SCUBE1: variants seen among roughly 807,000 people sequenced by gnomAD.
SCUBE1 encodes signal peptide, CUB and EGF-like domain-containing protein 1.
SCUBE1 carries 59 observed loss-of-function variants against 124.4 expected under a neutral mutation model. That is an observed-to-expected ratio of 0.47 (90% CI 0.38 to 0.59). The LOEUF (loss-of-function observed/expected upper bound fraction) is 0.59, where lower values mean the gene tolerates loss of function less well. Among genes scored for constraint, SCUBE1 ranks in the 20% least tolerant of loss-of-function variants. The pLI is 0.00. For synonymous variants in SCUBE1, 545 were observed against 550.9 expected (o/e 0.99, Z 0.15); for missense variants, 1,150 against 1,371.2 (o/e 0.84, Z 2.55).
chr22:43,212,353 C>T (rs1345305823), intron 17 of SCUBE1, 72 bp downstream of exon 17: 41 of 1,472,230 alleles, frequency 2.8e-5, no homozygotes, highest in Middle Eastern at 2.4e-4. Context: ...GAGAGGGGTT[C>T]GGGGAAGCCT....
At chr22:43,271,801 C>T (rs779394023) in intron 4 of SCUBE1, among the ~76,000 whole-genome samples, 9 of 152,128 alleles carry the variant, frequency 5.9e-5, no homozygotes, top group Non-Finnish European at 1.2e-4. Flanking sequence ...CCAAAGACTG[C>T]GGGCTTCTAC....
chr22:43,318,879 G>A (rs1013837813), intron 3 of SCUBE1, among the ~76,000 whole-genome samples: 11 of 151,920 alleles, frequency 7.2e-5, no homozygotes, highest in South Asian at 6.2e-4. Context: ...ACAGGCATGC[G>A]CCCAACTAAT....
At chr22:43,216,510 G>A (rs9608010) in intron 15 of SCUBE1, among the ~76,000 whole-genome samples, 66,029 of 151,142 alleles carry the variant, frequency 0.44, 14,747 homozygotes, top group South Asian at 0.53. Context: ...AAAATTAGCC[G>A]GACACGGTGG....
intron 4 of SCUBE1, chr22:43,272,277 C>T (rs1056381121): frequency 2.6e-5 from 4 of 152,260 alleles, no homozygotes; most frequent in Non-Finnish European, 5.9e-5. Flanking sequence ...TCTGCCTGGT[C>T]CCCTTCCCAC....
intron 8 of SCUBE1, among the ~76,000 whole-genome samples, chr22:43,230,820 G>A (rs989623765): frequency 1.3e-5 from 2 of 152,150 alleles, no homozygotes; most frequent in African/African-American, 2.4e-5. Flanking sequence ...CATTCCTCAG[G>A]GACCTTGTGG....
In SCUBE1 at chr22:43,198,450, A is replaced by C; in HGVS notation, c.*5547T>G. 2.4e-6 allele frequency: 1 copy of C among 422,294 alleles called. No homozygotes were observed. Among genetic ancestry groups the C allele is most frequent in the East Asian group, 7.1e-5 (1 of 14,136 alleles). 26.2% of individuals were successfully genotyped at this position (422,294 alleles called of 1,614,324 possible). On this transcript the variant is annotated 3_prime_UTR_variant, in exon 22 of 22. Transcript: ENST00000360835. ...AGGCAGGTGGGATCAGGCCAACCCC[A>C]GCTCTGCCTGCCCAGGACTTACTCC...
At chr22:43,339,033 G>A in intron 2 of SCUBE1, 71 bp downstream of exon 2, 1 of 1,569,652 alleles carries the variant, frequency 6.4e-7, no homozygotes, top group Non-Finnish European at 8.7e-7. Context: ...TGATGAATGG[G>A]GCAGGCATCG....
intron 2 of SCUBE1, among the ~76,000 whole-genome samples, chr22:43,334,547 CCAT>C (rs1927001845): frequency 6.6e-6 from 1 of 151,994 alleles, no homozygotes; most frequent in Admixed American, 6.6e-5. Flanking sequence ...TTCTTCAGCA[CCAT>C]CATCATCAAT....
At chr22:43,249,822 A>G (rs527590793) in intron 6 of SCUBE1, among the ~76,000 whole-genome samples, 147 of 152,296 alleles carry the variant, frequency 9.7e-4, no homozygotes, top group African/African-American at 3.4e-3. Flanking sequence ...GCCAGGACAT[A>G]GATGGCGGGA....
At chr22:43,260,521 C>A (rs1923832964) in intron 5 of SCUBE1, among the ~76,000 whole-genome samples, 1 of 152,238 alleles carries the variant, frequency 6.6e-6, no homozygotes, top group African/African-American at 2.4e-5. Context: ...CCCAACCCAG[C>A]TTGAGATCTG....
chr22:43,221,668 T>G (rs1183587547), intron 12 of SCUBE1, among the ~76,000 whole-genome samples: 1 of 152,224 alleles, frequency 6.6e-6, no homozygotes, highest in African/African-American at 2.4e-5. Context: ...TGAAATACTA[T>G]AGATCCAGGA....
chr22:43,267,080 G>C (rs896447591), intron 4 of SCUBE1, among the ~76,000 whole-genome samples: 1 of 152,226 alleles, frequency 6.6e-6, no homozygotes, highest in African/African-American at 2.4e-5. Context: ...GGTAGAGCAA[G>C]GCTGCTACGA....
Position 43,199,035 on chromosome 22 carries a change from T to C in SCUBE1, c.*4962A>G, listed in dbSNP as rs144415101. The C allele has an allele frequency of 2.1e-5, 7 of 341,256 alleles. No individual in the cohort carries two copies. Among genetic ancestry groups the C allele is most frequent in the African/African-American group, 1.3e-4 (6 of 44,656 alleles). 21.1% of individuals were successfully genotyped at this position (341,256 alleles called of 1,614,324 possible). A position where few individuals can be genotyped will look rare whatever the true frequency, so the allele number is the denominator to read the frequency against. On this transcript the variant is annotated 3_prime_UTR_variant, in exon 22 of 22. Transcript: ENST00000360835. The stretch of plus-strand genomic sequence containing the variant: ...GCAGTGTGTCTGTTTGTCTCTCTGC[T>C]GTCCAGGGCAATGTGTCTGTTTGTC...
At chr22:43,342,218 G>A (rs908688298) in intron 1 of SCUBE1, among the ~76,000 whole-genome samples, 1 of 106,938 alleles carries the variant, frequency 9.4e-6, no homozygotes, top group Admixed American at 8.7e-5. Flanking sequence ...CCAGCTTTTC[G>A]GGAAGCCCCT....
intron 4 of SCUBE1, among the ~76,000 whole-genome samples, chr22:43,289,358 C>T (rs1337582164): frequency 6.6e-6 from 1 of 152,210 alleles, no homozygotes; most frequent in Non-Finnish European, 1.5e-5. Flanking sequence ...TTACAAGGCG[C>T]AAAACAAACT....
At chr22:43,293,244 T>C (rs569333681) in intron 3 of SCUBE1, among the ~76,000 whole-genome samples, 1 of 152,292 alleles carries the variant, frequency 6.6e-6, no homozygotes, top group South Asian at 2.1e-4. Flanking sequence ...TGTGAGTGTT[T>C]ATTATGTGTT....
chr22:43,218,158 G>C, intron 15 of SCUBE1, 97 bp downstream of exon 15: 1 of 1,164,174 alleles, frequency 8.6e-7, no homozygotes, highest in Non-Finnish European at 1.3e-6. Context: ...CCCCTCCCCA[G>C]GTGTCTGTCT....
intron 7 of SCUBE1, chr22:43,232,303 A>G: frequency 5.7e-6 from 1 of 174,116 alleles, no homozygotes; most frequent in Non-Finnish European, 1.3e-5. Context: ...AAGCTCCCGG[A>G]CCCCTGAGCC....
Position 43,204,122 on chromosome 22 carries a change from C to A in SCUBE1, c.2842G>T (p.Asp948Tyr), listed in dbSNP as rs771750977. ...KDKKLIKALF[D>Y]VLAHPQNYFK... ...TAGTTCTGGGGATGCGCCAGCACGT[C>A]GAAGAGGGCCTTGATCAGCTTCTTG... The change falls in exon 22 of 22, where the codon GAC (aspartate) becomes TAC (tyrosine). Residue 948 changes from aspartate to tyrosine, a missense_variant. Coordinates refer to ENST00000360835, the MANE Select transcript of SCUBE1 (RefSeq NM_173050.5). 2 of 1,613,804 alleles carry A rather than the reference C, an allele frequency of 1.2e-6. No homozygotes were observed. Among genetic ancestry groups the A allele is most frequent in the Non-Finnish European group, 1.7e-6 (2 of 1,179,972 alleles).
Sources: gnomAD v4.1 joint callset for allele counts (sites outside exome capture counted in the v4.1 genomes callset) on GRCh38, gnomAD v4.1.1 for gene constraint, MANE v1.5 for transcripts, NCBI Gene and HGNC (gene_info 2026-07-23, HGNC 2026-07-21) for gene names.